Variants in GFRA2 observed in about 807,000 individuals in gnomAD.
GFRA2 encodes GDNF family receptor alpha-2.
GFRA2 carries 17 observed loss-of-function variants against 48.3 expected under a neutral mutation model. The ratio of observed to expected loss-of-function variants is 0.35; its 90% CI spans 0.24 to 0.53. The LOEUF (loss-of-function observed/expected upper bound fraction) is 0.53. GFRA2 is among the 20% of genes least tolerant of loss of function. The probability of loss-of-function intolerance (pLI) is 0.93; values close to 1 mark genes in which losing one functional copy is unlikely to be tolerated. For missense variants in GFRA2, 660 were observed against 637.3 expected (o/e 1.04, Z -0.38); for synonymous variants, 305 against 257.2 (o/e 1.19, Z -1.78).
intron 6 of GFRA2, among the ~76,000 whole-genome samples, chr8:21,703,512 C>T (rs1310237661): frequency 6.6e-6 from 1 of 152,160 alleles, no homozygotes; most frequent in Non-Finnish European, 1.5e-5. Context: ...CAGAGAGGTG[C>T]CCAGAAAATC....
At chr8:21,703,654 T>C (rs1215192789) in intron 6 of GFRA2, among the ~76,000 whole-genome samples, 1 of 152,188 alleles carries the variant, frequency 6.6e-6, no homozygotes, top group African/African-American at 2.4e-5. Context: ...TCATCTCTTA[T>C]CTACCCTGGT....
intron 1 of GFRA2, among the ~76,000 whole-genome samples, chr8:21,810,867 C>T (rs975401118): frequency 6.6e-6 from 1 of 152,128 alleles, no homozygotes; most frequent in Non-Finnish European, 1.5e-5. Context: ...ACCAAGCAAC[C>T]CCCACAACCA....
chr8:21,764,822 T>G (rs975990972), intron 3 of GFRA2, among the ~76,000 whole-genome samples: 1 of 152,200 alleles, frequency 6.6e-6, no homozygotes, highest in African/African-American at 2.4e-5. Flanking sequence ...AAGCCTTCCC[T>G]TGACCACTAC....
intron 4 of GFRA2, among the ~76,000 whole-genome samples, chr8:21,724,511 G>A (rs1054871159): frequency 6.6e-6 from 1 of 152,138 alleles, no homozygotes; most frequent in Non-Finnish European, 1.5e-5. Context: ...GCAGTACTAG[G>A]TCTGCAAGTA....
chr8:21,732,059 T>C (rs1392627474), intron 4 of GFRA2, among the ~76,000 whole-genome samples: 10 of 152,226 alleles, frequency 6.6e-5, no homozygotes, highest in South Asian at 2.1e-4. Context: ...GGCCAGGCCC[T>C]GGGCCCAATG....
chr8:21,801,468 C>T (rs939014401), intron 2 of GFRA2, among the ~76,000 whole-genome samples: 5 of 152,084 alleles, frequency 3.3e-5, no homozygotes, highest in Admixed American at 2.6e-4. Context: ...AGACAGGCAC[C>T]GTTATGGGCC....
intron 1 of GFRA2, among the ~76,000 whole-genome samples, chr8:21,787,102 C>T (rs1231803772): frequency 2.0e-5 from 3 of 152,148 alleles, no homozygotes; most frequent in African/African-American, 7.2e-5. Context: ...GCCTTGCAAA[C>T]AACCGCCTTT....
chr8:21,787,423 A>G (rs1235874792), intron 1 of GFRA2, among the ~76,000 whole-genome samples: 9 of 152,100 alleles, frequency 5.9e-5, no homozygotes, highest in Non-Finnish European at 1.0e-4. Context: ...CCAGAGGTGG[A>G]GGAGGGAAGG....
At chr8:21,746,539 A>G (rs572787059) in intron 4 of GFRA2, among the ~76,000 whole-genome samples, 1 of 152,158 alleles carries the variant, frequency 6.6e-6, no homozygotes, top group African/African-American at 2.4e-5. Context: ...AAAGTGAGCC[A>G]TGTACCTAAT....
At chr8:21,769,279 T>C (rs1806332051) in intron 3 of GFRA2, 1 of 369,336 alleles carries the variant, frequency 2.7e-6, no homozygotes, top group Admixed American at 1.4e-4. Flanking sequence ...GCCCCTTCCA[T>C]GATCGATTCC....
At chr8:21,784,778 G>C (rs1807187286) in intron 1 of GFRA2, among the ~76,000 whole-genome samples, 1 of 152,236 alleles carries the variant, frequency 6.6e-6, no homozygotes, top group East Asian at 1.9e-4. Context: ...GACAAGACCA[G>C]AGAAGAAATC....
At chr8:21,717,049 T>C (rs1235140366) in intron 4 of GFRA2, among the ~76,000 whole-genome samples, 1 of 152,268 alleles carries the variant, frequency 6.6e-6, no homozygotes, top group Non-Finnish European at 1.5e-5. Flanking sequence ...GGCTGCTCTC[T>C]TGGAGCTTAC....
intron 3 of GFRA2, among the ~76,000 whole-genome samples, chr8:21,767,438 C>T (rs1173723562): frequency 1.3e-5 from 2 of 152,250 alleles, no homozygotes; most frequent in East Asian, 3.8e-4. Flanking sequence ...TGTTCCTCAC[C>T]GTGCACGGGG....
intron 4 of GFRA2, among the ~76,000 whole-genome samples, chr8:21,732,625 G>A (rs971269765): frequency 2.0e-5 from 3 of 152,222 alleles, no homozygotes; most frequent in African/African-American, 7.2e-5. Context: ...CCTGGTCTGA[G>A]TCCCGTGAGC....
intron 4 of GFRA2, among the ~76,000 whole-genome samples, chr8:21,723,568 C>G (rs1192894855): frequency 6.6e-6 from 1 of 152,178 alleles, no homozygotes; most frequent in Non-Finnish European, 1.5e-5. Context: ...TTGCCAGGCA[C>G]CAGGACCCCA....
At chr8:21,747,973 C>T (rs1054090364) in intron 4 of GFRA2, among the ~76,000 whole-genome samples, 15 of 152,146 alleles carry the variant, frequency 9.9e-5, no homozygotes, top group African/African-American at 3.4e-4. Context: ...CCCTTAAGCA[C>T]TGGTGTTTCC....
intron 3 of GFRA2, among the ~76,000 whole-genome samples, chr8:21,758,092 C>T (rs977523641): frequency 1.1e-4 from 16 of 151,998 alleles, no homozygotes; most frequent in Admixed American, 4.6e-4. Flanking sequence ...AGGAGCTCTG[C>T]GGCTGGCACC....
At chr8:21,770,986 A>G (rs1427290898) in intron 3 of GFRA2, among the ~76,000 whole-genome samples, 1 of 152,046 alleles carries the variant, frequency 6.6e-6, no homozygotes, top group Non-Finnish European at 1.5e-5. Flanking sequence ...GCTCCACTTC[A>G]GCTCCTCAAC....
intron 2 of GFRA2, among the ~76,000 whole-genome samples, chr8:21,778,694 C>A (rs1307040921): frequency 6.6e-6 from 1 of 152,160 alleles, no homozygotes; most frequent in African/African-American, 2.4e-5. Flanking sequence ...AGTTTGAGGA[C>A]AGCCTGGGCA....
Sources: allele counts gnomAD v4.1 joint callset (sites outside exome capture counted in the v4.1 genomes callset), GRCh38; gene constraint gnomAD v4.1.1; transcripts MANE v1.5; gene names NCBI Gene and HGNC (gene_info 2026-07-23, HGNC 2026-07-21).